Variants in ESRRG observed in about 807,000 individuals in gnomAD.
The protein encoded by ESRRG is estrogen-related receptor gamma.
A neutral mutation model predicts 44.0 loss-of-function variants in ESRRG; 13 were observed. The ratio of observed to expected loss-of-function variants is 0.30; its 90% CI spans 0.19 to 0.47. The LOEUF is 0.47. ESRRG is among the 20% of genes least tolerant of loss of function. The pLI, the probability that ESRRG is intolerant of heterozygous loss-of-function variation, is 1.00. For synonymous variants in ESRRG, 215 were observed against 214.6 expected, an observed-to-expected ratio of 1.00 and a Z score of -0.02; for missense variants, 395 against 580.6, an observed-to-expected ratio of 0.68 and a Z score of 3.29.
intron 5 of ESRRG, among the ~76,000 whole-genome samples, chr1:216,563,353 G>A (rs146742553): frequency 6.6e-6 from 1 of 152,274 alleles, no homozygotes; most frequent in African/African-American, 2.4e-5. Context: ...TAGCAACATA[G>A]CTGGCGTATC....
rs1558513780 is a variant in ESRRG, at chr1:216,563,582, C to T, written c.862+637G>A. Reference sequence around the variant, plus strand: ...AATAAAAAATAATTCAAGTAGAATACTAAAATTCTCAAAACTTACAAGCAT... The same window carrying T: ...AATAAAAAATAATTCAAGTAGAATATTAAAATTCTCAAAACTTACAAGCAT... On this transcript the variant is annotated intron_variant, in intron 5 of 6. Coordinates refer to ENST00000408911, the MANE Select transcript of ESRRG (RefSeq NM_001438.4). Among the ~76,000 whole-genome samples, 4 of 152,004 alleles carry T rather than the reference C, an allele frequency of 2.6e-5. No homozygotes were observed. The South Asian group carries it at 8.3e-4, about 31-fold the overall frequency.
chr1:216,577,568 C>T (rs1384196630), intron 3 of ESRRG, among the ~76,000 whole-genome samples: 1 of 151,938 alleles, frequency 6.6e-6, no homozygotes, highest in Non-Finnish European at 1.5e-5. Flanking sequence ...CATGGGGATG[C>T]TCTGTATAAA....
intron 2 of ESRRG, among the ~76,000 whole-genome samples, chr1:216,908,428 C>T (rs540265512): frequency 7.6e-4 from 115 of 152,214 alleles, no homozygotes; most frequent in African/African-American, 2.2e-3. Flanking sequence ...GAGTGGATCA[C>T]GCAGACAAGG....
chr1:217,100,567 C>T (rs546872518), intron 1 of ESRRG, among the ~76,000 whole-genome samples: 10 of 152,286 alleles, frequency 6.6e-5, no homozygotes, highest in Admixed American at 5.2e-4. Flanking sequence ...AAATACCTGT[C>T]ACTGGGTAAT....
At chr1:216,704,383 G>C (rs971393137) in intron 1 of ESRRG, among the ~76,000 whole-genome samples, 1 of 152,138 alleles carries the variant, frequency 6.6e-6, no homozygotes, top group Non-Finnish European at 1.5e-5. Context: ...TAGGCATGGT[G>C]GTGGGCACCT....
chr1:216,898,833 T>C (rs1460526777), intron 2 of ESRRG, among the ~76,000 whole-genome samples: 6 of 152,146 alleles, frequency 3.9e-5, no homozygotes, highest in African/African-American at 1.4e-4. Context: ...GAACTATTGT[T>C]TTTATGGGAA....
intron 5 of ESRRG, 108 bp from the exon 6 acceptor site, chr1:216,519,529 G>A: frequency 9.2e-7 from 1 of 1,086,586 alleles, no homozygotes; most frequent in Non-Finnish European, 1.3e-6. Flanking sequence ...AAATTATGCT[G>A]AGCTTTGATT....
intron 1 of ESRRG, among the ~76,000 whole-genome samples, chr1:216,963,668 G>A (rs138655814): frequency 6.6e-6 from 1 of 152,286 alleles, no homozygotes; most frequent in African/African-American, 2.4e-5. Context: ...AAGCCACGCA[G>A]TGGTGTCCTT....
At chr1:216,749,435 C>T (rs1193566434) in intron 2 of ESRRG, among the ~76,000 whole-genome samples, 2 of 152,074 alleles carry the variant, frequency 1.3e-5, no homozygotes, top group Non-Finnish European at 2.9e-5. Flanking sequence ...GCAACAAGCG[C>T]GATAGGGAAT....
chr1:216,562,734 T>C (rs1573029818), intron 5 of ESRRG, among the ~76,000 whole-genome samples: 2 of 152,120 alleles, frequency 1.3e-5, no homozygotes. Context: ...TGTATACATA[T>C]ATCATAATGA....
At chr1:216,851,260 C>T (rs1270104156) in intron 2 of ESRRG, among the ~76,000 whole-genome samples, 1 of 151,996 alleles carries the variant, frequency 6.6e-6, no homozygotes, top group Non-Finnish European at 1.5e-5. Flanking sequence ...AAGCTGTGTG[C>T]TTTGAGTCAG....
At chr1:216,800,792 G>A (rs1343410149) in intron 2 of ESRRG, among the ~76,000 whole-genome samples, 3 of 151,982 alleles carry the variant, frequency 2.0e-5, no homozygotes. Flanking sequence ...GTTATCTTGT[G>A]GGTTCATGTA....
chr1:216,639,717 A>G (rs1382383554), intron 3 of ESRRG, among the ~76,000 whole-genome samples: 3 of 152,188 alleles, frequency 2.0e-5, no homozygotes, highest in Non-Finnish European at 2.9e-5. Flanking sequence ...ATAGATGAAA[A>G]TGTAATTCTT....
chr1:217,035,852 C>T (rs2082788360), intron 1 of ESRRG, among the ~76,000 whole-genome samples: 1 of 152,110 alleles, frequency 6.6e-6, no homozygotes, highest in Non-Finnish European at 1.5e-5. Flanking sequence ...GCAATAGAAA[C>T]TATCAACAGA....
At chr1:216,559,524 A>G (rs116166818) in intron 5 of ESRRG, among the ~76,000 whole-genome samples, 2,947 of 152,354 alleles carry the variant, frequency 0.019, 57 homozygotes, top group Middle Eastern at 0.048. Flanking sequence ...ATAAGGTATG[A>G]CTAACATATG....
chr1:216,883,176 G>A (rs1045461165), intron 2 of ESRRG, among the ~76,000 whole-genome samples: 12 of 151,964 alleles, frequency 7.9e-5, no homozygotes, highest in Admixed American at 2.0e-4. Flanking sequence ...TCAGGAGTTC[G>A]AGACCAGCCT....
intron 2 of ESRRG, among the ~76,000 whole-genome samples, chr1:216,809,411 C>G (rs970614662): frequency 2.0e-5 from 3 of 150,646 alleles, no homozygotes; most frequent in Non-Finnish European, 2.9e-5. Flanking sequence ...GGGACAATAG[C>G]TAGCTCCATC....
In ESRRG at chr1:216,780,636, G is replaced by T. The variant is rs1332545764; in HGVS notation, c.-13-103145C>A. Among the ~76,000 whole-genome samples, 3 of 151,852 alleles carry T rather than the reference G, an allele frequency of 2.0e-5. No individual in the cohort carries two copies. The South Asian group carries it at 6.2e-4, about 32-fold the overall frequency. The stretch of plus-strand genomic sequence containing the variant: ...GGGAGATCTGAGGCTCTGTGCCTTT[G>T]GTTCCAGATGATTCTCCTTTAATCT... On this transcript the variant is annotated intron_variant, in intron 2 of 7. Coordinates refer to the ESRRG transcript ENST00000359162.
At chr1:216,909,991 T>C (rs1279712805) in intron 2 of ESRRG, among the ~76,000 whole-genome samples, 1 of 152,148 alleles carries the variant, frequency 6.6e-6, no homozygotes, top group African/African-American at 2.4e-5. Context: ...AACTCCCTGA[T>C]TTTTAAAACA....
Sources: allele counts gnomAD v4.1 joint callset (sites outside exome capture counted in the v4.1 genomes callset), GRCh38; gene constraint gnomAD v4.1.1; transcripts MANE v1.5; gene names NCBI Gene and HGNC (gene_info 2026-07-23, HGNC 2026-07-21).